FRY: variants seen among roughly 807,000 people sequenced by gnomAD.
FRY encodes the protein FRY microtubule binding protein, also known as protein furry homolog.
FRY carries 128 observed loss-of-function variants against 348.4 expected under a neutral mutation model. The ratio of observed to expected loss-of-function variants is 0.37; its 90% CI spans 0.32 to 0.43. FRY has a LOEUF of 0.43. Among genes scored for constraint, FRY ranks in the 20% least tolerant of loss-of-function variants. The probability of loss-of-function intolerance (pLI) is 1.00; values close to 1 mark genes in which losing one functional copy is unlikely to be tolerated. For synonymous variants in FRY, 1,370 were observed against 1,374.7 expected, an observed-to-expected ratio of 1.00 and a Z score of 0.08; for missense variants, 2,736 against 3,695.2, an observed-to-expected ratio of 0.74 and a Z score of 6.73.
chr13:32,179,053 A>C lies in FRY; in HGVS notation c.2871+20A>C. 1 of 1,598,620 alleles carries C rather than the reference A, an allele frequency of 6.3e-7. No homozygotes were observed. The highest frequency in any genetic ancestry group is 8.6e-7 in the Non-Finnish European group (1 of 1,166,114). On this transcript the variant is annotated intron_variant, in intron 22 of 60. Coordinates refer to ENST00000542859, the MANE Select transcript of FRY (RefSeq NM_023037.3). ...AACAAGGTGACATGACATGCTTCAG[A>C]AGAATTATTCTGTAAGGTTTTTTTT...
intron 2 of FRY, among the ~76,000 whole-genome samples, chr13:32,081,455 G>C (rs569453496): frequency 1.3e-5 from 2 of 152,282 alleles, no homozygotes; most frequent in South Asian, 4.1e-4. Flanking sequence ...TTCCTTAGTA[G>C]CTAGGACTAT....
At chr13:32,255,939 A>G (rs1887309294) in intron 51 of FRY, among the ~76,000 whole-genome samples, 1 of 152,204 alleles carries the variant, frequency 6.6e-6, no homozygotes, top group Non-Finnish European at 1.5e-5. Context: ...CGGATGAAGC[A>G]AGAGAGGCAT....
Position 32,079,144 on chromosome 13 carries a change from G to A in FRY, c.270+111G>A, listed in dbSNP as rs79025279. 308 of 821,786 alleles carry A rather than the reference G, an allele frequency of 3.7e-4. 1 individual carries two copies. Among genetic ancestry groups the A allele is most frequent in the Non-Finnish European group, 6.0e-4 (281 of 470,872 alleles). 50.9% of individuals were successfully genotyped at this position (821,786 alleles called of 1,614,324 possible). A position where few individuals can be genotyped will look rare whatever the true frequency, so the allele number is the denominator to read the frequency against. ...ATTGCTTTTCCTCTGGTTTGTAAAG[G>A]TTCTTTAATATCATAGGTAATGTTT... On this transcript the variant is annotated intron_variant, in intron 2 of 60. Transcript: ENST00000542859.
chr13:32,292,520 G>A (rs922596714), intron 59 of FRY, among the ~76,000 whole-genome samples: 2 of 152,016 alleles, frequency 1.3e-5, no homozygotes, highest in Non-Finnish European at 2.9e-5. Context: ...TTGGCAGGGT[G>A]CGGTGGCTCA....
chr13:32,235,625 GA>G (rs968349433), intron 42 of FRY, among the ~76,000 whole-genome samples: 7 of 152,082 alleles, frequency 4.6e-5, no homozygotes, highest in African/African-American at 1.2e-4. Context: ...CTCCATCTCA[GA>G]AAAAAAGAAA....
At chr13:32,229,940 G>T (rs1885816190) in intron 40 of FRY, among the ~76,000 whole-genome samples, 1 of 152,144 alleles carries the variant, frequency 6.6e-6, no homozygotes, top group Non-Finnish European at 1.5e-5. Context: ...TTTTGTAAAT[G>T]AATTTAATTT....
intron 31 of FRY, among the ~76,000 whole-genome samples, chr13:32,208,532 C>T (rs1319676014): frequency 6.6e-6 from 1 of 152,130 alleles, no homozygotes; most frequent in Non-Finnish European, 1.5e-5. Flanking sequence ...GAACACATGC[C>T]CTTCTAACTC....
chr13:32,060,469 A>T (rs962883726), intron 1 of FRY, among the ~76,000 whole-genome samples: 4 of 152,182 alleles, frequency 2.6e-5, no homozygotes, highest in African/African-American at 9.7e-5. Flanking sequence ...TTAAGGGTGT[A>T]TGGTTTCTCG....
chr13:32,242,993 A>AT (rs58796555), intron 46 of FRY, among the ~76,000 whole-genome samples: 87 of 152,288 alleles, frequency 5.7e-4, no homozygotes, highest in Non-Finnish European at 9.3e-4. Context: ...AATATCATTG[A>AT]TTTTTTATGA....
intron 29 of FRY, among the ~76,000 whole-genome samples, chr13:32,196,463 AT>A: frequency 6.6e-6 from 1 of 152,264 alleles, no homozygotes; most frequent in African/African-American, 2.4e-5. Flanking sequence ...AGGATTTGCC[AT>A]TTTTGCATAA....
At chr13:32,054,108 G>C (rs1302119501) in intron 1 of FRY, among the ~76,000 whole-genome samples, 3 of 152,130 alleles carry the variant, frequency 2.0e-5, no homozygotes, top group African/African-American at 7.2e-5. Flanking sequence ...CCATTGTCAG[G>C]TTAATTTTTA....
rs1190676283 is a variant in FRY, at chr13:32,277,001, T to C, written c.8385+439T>C. Among the ~76,000 whole-genome samples the C allele has an allele frequency of 2.0e-5, 3 of 152,212 alleles. No individual in the cohort carries two copies. In the East Asian group the frequency reaches 5.8e-4, roughly 29 times the overall value. On this transcript the variant is annotated intron_variant, in intron 57 of 60. Transcript: ENST00000542859. Reference sequence around the variant, plus strand: ...GGCTTCTCTTGGCCTCAGCTCTTGCTCTTTACTTTTTTCTTTCTTCATAGA... The same window carrying C: ...GGCTTCTCTTGGCCTCAGCTCTTGCCCTTTACTTTTTTCTTTCTTCATAGA...
intron 11 of FRY, among the ~76,000 whole-genome samples, chr13:32,139,668 T>A (rs540751786): frequency 2.6e-5 from 4 of 152,214 alleles, no homozygotes; most frequent in Non-Finnish European, 5.9e-5. Flanking sequence ...AAGCATCTAT[T>A]AGTAATATTC....
At position 32,031,774 on chromosome 13, in the gene FRY, A is replaced by G. The variant is rs780386658; in HGVS notation, c.-22A>G. 2 of 1,554,286 alleles carry G rather than the reference A, an allele frequency of 1.3e-6. No individual in the cohort carries two copies. Among genetic ancestry groups the G allele is most frequent in the Non-Finnish European group, 1.8e-6 (2 of 1,127,408 alleles). On this transcript the variant is annotated 5_prime_UTR_variant, in exon 1 of 61. Coordinates refer to ENST00000542859, the MANE Select transcript of FRY (RefSeq NM_023037.3). Reference sequence around the variant, plus strand: ...GCTCCCGGCCGCTGCCCGTCCTCCCAGCCTCTTTGTATGCCGCAGACATGG... The same window carrying G: ...GCTCCCGGCCGCTGCCCGTCCTCCCGGCCTCTTTGTATGCCGCAGACATGG...
In FRY at chr13:32,181,232, G is replaced by A. The variant is rs373526944; in HGVS notation, c.2996+1433G>A. ...AGAAGTAATTGTGGGTTCTGACTGC[G>A]TAGGTTACCAGTTAACCAGAGTTTT... On this transcript the variant is annotated intron_variant, in intron 23 of 60. Transcript: ENST00000542859. Among the ~76,000 whole-genome samples, 8 of 152,028 alleles carry A rather than the reference G, an allele frequency of 5.3e-5. No homozygotes were observed. In the East Asian group the frequency reaches 7.7e-4, roughly 15 times the overall value.
At chr13:32,224,061 A>G (rs573112362) in intron 36 of FRY, among the ~76,000 whole-genome samples, 174 bp from the exon 37 acceptor site, 11 of 152,022 alleles carry the variant, frequency 7.2e-5, no homozygotes, top group South Asian at 6.2e-4. Flanking sequence ...GATCAATCCA[A>G]TGCACTCCAG....
At chr13:32,161,510 A>G (rs1881441627) in intron 17 of FRY, among the ~76,000 whole-genome samples, 1 of 152,236 alleles carries the variant, frequency 6.6e-6, no homozygotes, top group South Asian at 2.1e-4. Context: ...ACAAAAATAT[A>G]CAATACATGA....
At chr13:32,222,893 G>T (rs1307377601) in intron 36 of FRY, among the ~76,000 whole-genome samples, 1 of 152,170 alleles carries the variant, frequency 6.6e-6, no homozygotes, top group East Asian at 1.9e-4. Flanking sequence ...TTGGGTATGG[G>T]ATATGAGGGG....
At chr13:32,085,127 T>G (rs1032238658) in intron 2 of FRY, among the ~76,000 whole-genome samples, 2 of 152,220 alleles carry the variant, frequency 1.3e-5, no homozygotes, top group Non-Finnish European at 2.9e-5. Flanking sequence ...CCCTAAAATG[T>G]GCTGAGTACA....
Sources: allele counts gnomAD v4.1 joint callset (sites outside exome capture counted in the v4.1 genomes callset), GRCh38; gene constraint gnomAD v4.1.1; transcripts MANE v1.5; gene names NCBI Gene and HGNC (gene_info 2026-07-23, HGNC 2026-07-21).